Variants in ERBIN observed in about 807,000 individuals in gnomAD.
ERBIN encodes densin-180-like protein.
ERBIN carries 60 observed loss-of-function variants against 158.4 expected under a neutral mutation model. The observed-to-expected ratio is 0.38, with a 90% CI of 0.31 to 0.47. The LOEUF (loss-of-function observed/expected upper bound fraction) is 0.47. Among genes scored for constraint, ERBIN ranks in the 20% least tolerant of loss-of-function variants. The pLI is 0.99. For synonymous variants in ERBIN, 594 were observed against 557.2 expected, an observed-to-expected ratio of 1.07 and a Z score of -0.93; for missense variants, 1,610 against 1,648.0, an observed-to-expected ratio of 0.98 and a Z score of 0.40.
intron 14 of ERBIN, among the ~76,000 whole-genome samples, chr5:66,030,409 AATAGT>A (rs1040546611): frequency 3.7e-4 from 56 of 152,230 alleles, no homozygotes; most frequent in African/African-American, 1.3e-3. Flanking sequence ...CTCTTAATTG[AATAGT>A]ATATGTTTAA....
At chr5:66,055,026 C>A (rs1470411843) in intron 21 of ERBIN, 75 bp downstream of exon 21, 4 of 1,444,746 alleles carry the variant, frequency 2.8e-6, no homozygotes, top group African/African-American at 2.9e-5. Context: ...AAACAAGATT[C>A]TCTGAATTAC....
intron 19 of ERBIN, among the ~76,000 whole-genome samples, chr5:66,049,298 G>A (rs918884227): frequency 2.6e-5 from 4 of 152,068 alleles, no homozygotes; most frequent in South Asian, 2.1e-4. Context: ...TGAAGGATAT[G>A]TATCCTTTCC....
chr5:66,072,116 G>T, intron 21 of ERBIN, 53 bp from the exon 22 acceptor site: 2 of 1,521,970 alleles, frequency 1.3e-6, no homozygotes, highest in Admixed American at 2.1e-5. Context: ...CATCCTCTTG[G>T]TTTCACATCT....
intron 1 of ERBIN, among the ~76,000 whole-genome samples, chr5:65,955,277 AT>A (rs981833252): frequency 3.9e-5 from 6 of 152,050 alleles, no homozygotes; most frequent in African/African-American, 1.4e-4. Context: ...GAAACACTGA[AT>A]TTTTTTAGCT....
intron 4 of ERBIN, among the ~76,000 whole-genome samples, chr5:66,007,317 C>T (rs1191339065): frequency 6.6e-6 from 1 of 152,058 alleles, no homozygotes; most frequent in Non-Finnish European, 1.5e-5. Flanking sequence ...CATGTTCTCA[C>T]TCATAGGTGG....
intron 11 of ERBIN, 63 bp from the exon 12 acceptor site, chr5:66,025,785 A>G: frequency 1.2e-5 from 14 of 1,195,156 alleles, no homozygotes; most frequent in Non-Finnish European, 1.6e-5. Flanking sequence ...TATGTTCTGA[A>G]ATTTTGGATT....
At chr5:66,025,420 G>A in intron 10 of ERBIN, 60 bp from the exon 11 acceptor site, 3 of 1,247,372 alleles carry the variant, frequency 2.4e-6, no homozygotes, top group Non-Finnish European at 3.5e-6. Context: ...CACACTGACT[G>A]TTGGTGGACT....
Position 65,941,686 on chromosome 5 carries a change from A to G in ERBIN, c.-58+14880A>G, listed in dbSNP as rs1226290944. On this transcript the variant is annotated intron_variant, in intron 1 of 25. Transcript: ENST00000284037. ...GAAAAGGATCTTTGTCACTACTTAT[A>G]CCCTAAGGTTTATTTTTGTCCCATG... Among the ~76,000 whole-genome samples the G allele has an allele frequency of 4.6e-5, 7 of 152,166 alleles. No homozygotes were observed. In the East Asian group the frequency reaches 7.7e-4, roughly 17 times the overall value.
In ERBIN at chr5:66,079,803, G is replaced by A. The variant is rs1337497641; in HGVS notation, c.*1273G>A. The A allele has an allele frequency of 2.0e-5, 3 of 152,486 alleles. No individual in the cohort carries two copies. The highest frequency in any genetic ancestry group is 4.4e-5 in the Non-Finnish European group (3 of 68,008). The allele number at this position is 152,486 out of a possible 1,614,324, so 9.4% of individuals were successfully genotyped here. On this transcript the variant is annotated 3_prime_UTR_variant, in exon 26 of 26. Coordinates refer to ENST00000284037, the MANE Select transcript of ERBIN (RefSeq NM_001253697.2). ...GGTTTCTATGTGTATCAGTGTAATA[G>A]TGTTTTACCACCAACTGCCTTTCTT... is the stretch of plus-strand genomic sequence containing the variant.
chr5:66,021,200 T>A (rs1755644231), intron 7 of ERBIN, 122 bp from the exon 8 acceptor site: 3 of 494,666 alleles, frequency 6.1e-6, no homozygotes, highest in Non-Finnish European at 3.6e-6. Flanking sequence ...TATTTTTATT[T>A]TGTCAACATG....
chr5:66,014,737 T>C lies in ERBIN; in HGVS notation c.533+12T>C, dbSNP rs770169630. The C allele has an allele frequency of 3.8e-6, 5 of 1,321,286 alleles. No individual in the cohort carries two copies. Among genetic ancestry groups the C allele is most frequent in the Non-Finnish European group, 4.1e-6 (4 of 973,192 alleles). 81.8% of individuals were successfully genotyped at this position (1,321,286 alleles called of 1,614,324 possible). A position where few individuals can be genotyped will look rare whatever the true frequency, so the allele number is the denominator to read the frequency against. The stretch of plus-strand genomic sequence containing the variant: ...AAAATGTTGCCTAAGTAAGTAAAGG[T>C]GCTATTCTTTAAAAAACTTAATTTA... On this transcript the variant is annotated intron_variant, in intron 7 of 25. Coordinates refer to ENST00000284037, the MANE Select transcript of ERBIN (RefSeq NM_001253697.2).
intron 4 of ERBIN, among the ~76,000 whole-genome samples, chr5:66,004,711 C>G (rs1329936214): frequency 1.3e-5 from 2 of 152,178 alleles, no homozygotes; most frequent in Non-Finnish European, 2.9e-5. Flanking sequence ...CCCCTGTGTA[C>G]TTTATCTGTA....
At chr5:65,987,748 G>GGC (rs906787606) in intron 1 of ERBIN, among the ~76,000 whole-genome samples, 7 of 151,906 alleles carry the variant, frequency 4.6e-5, no homozygotes, top group Non-Finnish European at 1.0e-4. Context: ...GGCAGGCTGA[G>GGC]GCAGGAGAAT....
rs895222643 is a variant in ERBIN at position 66,080,352 on chromosome 5, T to C, written c.*1822T>C. The C allele has an allele frequency of 4.6e-5, 7 of 152,542 alleles. No homozygotes were observed. The highest frequency in any genetic ancestry group is 1.0e-4 in the Non-Finnish European group (7 of 67,940). The allele number at this position is 152,542 out of a possible 1,614,324, so 9.4% of individuals were successfully genotyped here. ...TTGATTGAAACCCTTTAACAACTCTTTGTAAATTTTAACTCATTTTAGTTG... is the reference window on the plus strand; with the variant it reads ...TTGATTGAAACCCTTTAACAACTCTCTGTAAATTTTAACTCATTTTAGTTG... On this transcript the variant is annotated 3_prime_UTR_variant, in exon 26 of 26. Coordinates refer to ENST00000284037, the MANE Select transcript of ERBIN (RefSeq NM_001253697.2).
At chr5:66,018,142 A>G (rs1462042300) in intron 7 of ERBIN, among the ~76,000 whole-genome samples, 2 of 151,564 alleles carry the variant, frequency 1.3e-5, no homozygotes, top group East Asian at 1.9e-4. Flanking sequence ...GCTTAGCATC[A>G]CTGTGGTTAT....
At position 66,019,389 on chromosome 5, in the gene ERBIN, C is replaced by A. The variant is rs187211254; in HGVS notation, c.534-1933C>A. On this transcript the variant is annotated intron_variant, in intron 7 of 25. Transcript: ENST00000284037. ...CTAAAGAATACTGGAGGGCACAGTA[C>A]TAAGAACACAAAAGATGTTTTACTT... Among the ~76,000 whole-genome samples the A allele has an allele frequency of 1.2e-4, 18 of 152,174 alleles. No individual in the cohort carries two copies. The East Asian group carries it at 3.5e-3, about 29-fold the overall frequency.
chr5:66,041,472 A>G (rs1757911749), intron 15 of ERBIN, among the ~76,000 whole-genome samples: 1 of 152,000 alleles, frequency 6.6e-6, no homozygotes, highest in African/African-American at 2.4e-5. Context: ...AGTCCTCAGT[A>G]AGTCTATACC....
At chr5:66,019,956 C>T (rs1755512168) in intron 7 of ERBIN, among the ~76,000 whole-genome samples, 1 of 152,000 alleles carries the variant, frequency 6.6e-6, no homozygotes, top group South Asian at 2.1e-4. Flanking sequence ...GTTATTTGAA[C>T]ATAGGAAATT....
chr5:66,019,727 GTAATT>G (rs1022745099), intron 7 of ERBIN, among the ~76,000 whole-genome samples: 5 of 152,088 alleles, frequency 3.3e-5, no homozygotes, highest in African/African-American at 1.2e-4. Flanking sequence ...GATATCATCT[GTAATT>G]GAATTTTTCC....
Sources: allele counts gnomAD v4.1 joint callset (sites outside exome capture counted in the v4.1 genomes callset), GRCh38; gene constraint gnomAD v4.1.1; transcripts MANE v1.5; gene names NCBI Gene and HGNC (gene_info 2026-07-23, HGNC 2026-07-21).